CLEC9A: variants seen among roughly 807,000 people sequenced by gnomAD.
CLEC9A encodes the protein C-type lectin domain containing 9A.
In CLEC9A, 24 loss-of-function variants were observed where a neutral mutation model predicts 30.0. That is an observed-to-expected ratio of 0.80 (90% CI 0.58 to 1.13). The LOEUF is 1.13. Among genes scored for constraint, CLEC9A ranks in the 50% most tolerant of loss-of-function variants. CLEC9A has a pLI of 0.00. For synonymous variants in CLEC9A, 111 were observed against 96.8 expected (o/e 1.15, Z -0.86); for missense variants, 251 against 280.9 (o/e 0.89, Z 0.76).
intron 1 of CLEC9A, among the ~76,000 whole-genome samples, chr12:10,034,463 G>A (rs1268575220): frequency 3.3e-5 from 5 of 152,200 alleles, no homozygotes; most frequent in Non-Finnish European, 7.4e-5. Flanking sequence ...TTTTCATGAT[G>A]TAAAATTATG....
rs780119491 is a variant in CLEC9A at position 10,065,621 on chromosome 12, T to A, written c.715T>A (p.Ser239Thr). The A allele has an allele frequency of 6.2e-6, 10 of 1,613,680 alleles. 1 individual carries two copies. In the South Asian group the frequency reaches 7.7e-5, roughly 12 times the overall value. Residue 239 changes from serine (S) to threonine (T), a missense_variant, in exon 9 of 9, where the codon TCC (serine) becomes ACC (threonine). Ser to Thr is a moderately conservative substitution (Grantham distance 58, BLOSUM62 1). Coordinates refer to ENST00000355819, the MANE Select transcript of CLEC9A (RefSeq NM_207345.4). ...YFICEKYALR[S>T]SV The stretch of plus-strand genomic sequence containing the variant: ...TATCTGTGAGAAGTATGCGTTGAGA[T>A]CCTCTGTCTGAAAGAAATTGTGTTC...
At chr12:10,034,452 C>T (rs1314109257) in intron 1 of CLEC9A, among the ~76,000 whole-genome samples, 1 of 152,208 alleles carries the variant, frequency 6.6e-6, no homozygotes, top group Non-Finnish European at 1.5e-5. Flanking sequence ...ATTTGTAGCA[C>T]TTTTCATGAT....
At chr12:10,038,645 C>T (rs965112425) in intron 1 of CLEC9A, among the ~76,000 whole-genome samples, 7 of 152,196 alleles carry the variant, frequency 4.6e-5, no homozygotes, top group African/African-American at 1.4e-4. Flanking sequence ...ATAAGAGCTA[C>T]TCTAATGGCA....
intron 1 of CLEC9A, among the ~76,000 whole-genome samples, chr12:10,033,768 T>C (rs1325818773): frequency 6.6e-6 from 1 of 152,150 alleles, no homozygotes; most frequent in Non-Finnish European, 1.5e-5. Context: ...TTTAACAGTC[T>C]TTCCATTCTC....
chr12:10,064,774 G>T lies in CLEC9A; in HGVS notation c.514G>T (p.Asp172Tyr), dbSNP rs1183370441. 1.2e-6 allele frequency: 2 copies of T among 1,612,836 alleles called. No individual in the cohort carries two copies. Among genetic ancestry groups the T allele is most frequent in the Non-Finnish European group, 1.7e-6 (2 of 1,179,400 alleles). Reference protein sequence around the residue: ...GSLRKIKGSYDYWVGLSQDGH... With the variant: ...GSLRKIKGSYYYWVGLSQDGH... The stretch of plus-strand genomic sequence containing the variant: ...CTTGAGGAAGATTAAAGGAAGCTAT[G>T]ATTACTGGGTGGGGTTGTCTCAGGA... Residue 172 changes from aspartate to tyrosine, a missense_variant, in exon 8 of 9, where the codon GAT becomes TAT. Coordinates refer to ENST00000355819, the MANE Select transcript of CLEC9A (RefSeq NM_207345.4).
intron 7 of CLEC9A, among the ~76,000 whole-genome samples, chr12:10,064,300 C>G (rs1866023167): frequency 6.6e-6 from 1 of 152,206 alleles, no homozygotes; most frequent in African/African-American, 2.4e-5. Flanking sequence ...AGAAATGCTT[C>G]TTCTAACCGA....
intron 8 of CLEC9A, 147 bp downstream of exon 8, chr12:10,065,000 T>C (rs1244418265): frequency 7.5e-6 from 7 of 939,108 alleles, no homozygotes; most frequent in East Asian, 3.0e-5. Flanking sequence ...GCTAACAAAA[T>C]TAAGAGTAGC....
chr12:10,035,979 A>C (rs1865741356), intron 1 of CLEC9A, among the ~76,000 whole-genome samples: 1 of 152,236 alleles, frequency 6.6e-6, no homozygotes, highest in African/African-American at 2.4e-5. Context: ...CCTGCCTGAT[A>C]AACATTGCCT....
chr12:10,032,655 A>T (rs1179303942), intron 1 of CLEC9A, among the ~76,000 whole-genome samples: 1 of 151,816 alleles, frequency 6.6e-6, no homozygotes, highest in African/African-American at 2.4e-5. Context: ...CCTCCCAACG[A>T]GCTGGGATTA....
At chr12:10,043,059 T>A (rs1210692223) in intron 2 of CLEC9A, among the ~76,000 whole-genome samples, 1 of 152,216 alleles carries the variant, frequency 6.6e-6, no homozygotes, top group Non-Finnish European at 1.5e-5. Context: ...CAAGTGAAAT[T>A]GGCACAGATT....
chr12:10,060,603 TGG>T (rs1865988237), intron 5 of CLEC9A: 2 of 154,486 alleles, frequency 1.3e-5, no homozygotes, highest in Non-Finnish European at 2.9e-5. Context: ...CAGATCCTGA[TGG>T]TAGTGGAGGA....
intron 2 of CLEC9A, among the ~76,000 whole-genome samples, chr12:10,044,925 C>G (rs1865832820): frequency 6.6e-6 from 1 of 152,144 alleles, no homozygotes; most frequent in South Asian, 2.1e-4. Flanking sequence ...ATTCCTTGTC[C>G]TCTCGTGATA....
At chr12:10,060,909 A>G (rs910700465) in intron 5 of CLEC9A, 2 of 443,742 alleles carry the variant, frequency 4.5e-6, no homozygotes, top group Non-Finnish European at 7.7e-6. Context: ...GGGGTAGTAA[A>G]TCAAGCAAAT....
intron 1 of CLEC9A, among the ~76,000 whole-genome samples, chr12:10,039,133 C>T (rs1865769484): frequency 6.6e-6 from 1 of 152,222 alleles, no homozygotes; most frequent in African/African-American, 2.4e-5. Flanking sequence ...GGCCCTGCTT[C>T]CTCCTCCTGG....
chr12:10,033,334 C>T (rs1480592073), intron 1 of CLEC9A, among the ~76,000 whole-genome samples: 1 of 151,996 alleles, frequency 6.6e-6, no homozygotes, highest in African/African-American at 2.4e-5. Flanking sequence ...ATAGAATGGC[C>T]AGAATGGGAA....
intron 6 of CLEC9A, 90 bp downstream of exon 6, chr12:10,061,363 CA>C: frequency 7.7e-7 from 1 of 1,306,606 alleles, no homozygotes; most frequent in Non-Finnish European, 1.0e-6. Flanking sequence ...TTGTTCTCTG[CA>C]AAACTGTTAG....
chr12:10,032,758 T>A (rs547580115), intron 1 of CLEC9A, among the ~76,000 whole-genome samples: 88 of 152,250 alleles, frequency 5.8e-4, no homozygotes, highest in African/African-American at 2.1e-3. Context: ...TCTTTTCATC[T>A]CCACTTGTTC....
At chr12:10,038,217 G>C (rs1442882996) in intron 1 of CLEC9A, among the ~76,000 whole-genome samples, 1 of 152,050 alleles carries the variant, frequency 6.6e-6, no homozygotes, top group Non-Finnish European at 1.5e-5. Context: ...ATTAAGAATT[G>C]GTTTTTGGTA....
chr12:10,057,920 T>C (rs2137311804), intron 5 of CLEC9A, among the ~76,000 whole-genome samples: 1 of 152,276 alleles, frequency 6.6e-6, no homozygotes, highest in South Asian at 2.1e-4. Context: ...CTGTTCATTT[T>C]CTTAATTCAT....
Sources: allele counts gnomAD v4.1 joint callset (sites outside exome capture counted in the v4.1 genomes callset), GRCh38; gene constraint gnomAD v4.1.1; transcripts MANE v1.5; gene names NCBI Gene and HGNC (gene_info 2026-07-23, HGNC 2026-07-21).